The following MAGI1 variants were observed in gnomAD, a reference collection of about 807,000 sequenced individuals.
The protein encoded by MAGI1 is membrane-associated guanylate kinase, WW and PDZ domain-containing protein 1.
Under a neutral mutation model 139.9 loss-of-function variants are expected in MAGI1, and 58 were observed. The observed-to-expected ratio is 0.41, with a 90% confidence interval of 0.34 to 0.52. The LOEUF (loss-of-function observed/expected upper bound fraction) is 0.52, where lower values mean the gene tolerates loss of function less well. Ranked by LOEUF, MAGI1 falls within the 20% of genes least tolerant of loss-of-function variation. MAGI1 has a pLI of 0.12. For synonymous variants in MAGI1, 812 were observed against 737.9 expected, an observed-to-expected ratio of 1.10 and a Z score of -1.63; for missense variants, 1,874 against 1,901.6, an observed-to-expected ratio of 0.99 and a Z score of 0.27.
At chr3:65,675,807 T>A (rs1462504181) in intron 1 of MAGI1, among the ~76,000 whole-genome samples, 5 of 152,180 alleles carry the variant, frequency 3.3e-5, no homozygotes, top group African/African-American at 1.2e-4. Flanking sequence ...AACCACTTCA[T>A]ATGGGTTCAA....
At chr3:65,507,571 A>C (rs1269658421) in intron 2 of MAGI1, among the ~76,000 whole-genome samples, 1 of 152,182 alleles carries the variant, frequency 6.6e-6, no homozygotes, top group African/African-American at 2.4e-5. Flanking sequence ...TAGAAAACTA[A>C]ACTACAGCTT....
intron 3 of MAGI1, among the ~76,000 whole-genome samples, chr3:65,484,617 A>C (rs748154248): frequency 6.6e-6 from 1 of 152,000 alleles, no homozygotes; most frequent in Non-Finnish European, 1.5e-5. Flanking sequence ...CCCACTCTCC[A>C]AGCACTTGTC....
intron 1 of MAGI1, among the ~76,000 whole-genome samples, chr3:66,022,286 T>C (rs906848414): frequency 2.0e-5 from 3 of 152,228 alleles, no homozygotes; most frequent in East Asian, 3.8e-4. Flanking sequence ...AGGGCCTTTC[T>C]TCCCTATGGC....
At chr3:65,785,304 G>A (rs1345637156) in intron 1 of MAGI1, among the ~76,000 whole-genome samples, 3 of 152,146 alleles carry the variant, frequency 2.0e-5, no homozygotes, top group Non-Finnish European at 4.4e-5. Flanking sequence ...CTAACATACA[G>A]GGGTCCTATT....
At chr3:65,794,896 T>C (rs748670679) in intron 1 of MAGI1, among the ~76,000 whole-genome samples, 30 of 139,240 alleles carry the variant, frequency 2.2e-4, no homozygotes, top group Non-Finnish European at 3.9e-4. Flanking sequence ...GGGCAAAATA[T>C]ATAAACAGAC....
intron 1 of MAGI1, among the ~76,000 whole-genome samples, chr3:65,808,103 C>A (rs558955995): frequency 6.6e-6 from 1 of 151,848 alleles, no homozygotes; most frequent in Non-Finnish European, 1.5e-5. Flanking sequence ...CTCCAGCCTC[C>A]GCCTCCCGAG....
chr3:65,439,897 G>A lies in MAGI1; in HGVS notation c.1252C>T (p.Gln418Ter). Residue 418 changes from glutamine to a stop codon, truncating the protein, a stop_gained, in exon 9 of 23, where the codon CAG (glutamine) becomes TAG (stop). Transcript: ENST00000402939. LOFTEE classifies it high-confidence loss of function. ...GGCCAACCTTCTGTCTGCTGCTGCTGCTGCTGCTGCTGCTGCTGTTGCTGC... is the reference window on the plus strand; with the variant it reads ...GGCCAACCTTCTGTCTGCTGCTGCTACTGCTGCTGCTGCTGCTGTTGCTGC... ...QQQQQQQQQQ[Q>*]QQQTEEWTED... The A allele has an allele frequency of 6.2e-7, 1 of 1,606,476 alleles. No individual in the cohort carries two copies.
intron 12 of MAGI1, among the ~76,000 whole-genome samples, chr3:65,404,995 G>C (rs896020477): frequency 6.6e-6 from 1 of 152,240 alleles, no homozygotes; most frequent in African/African-American, 2.4e-5. Flanking sequence ...TGTCTTAATG[G>C]GCTTGTCTGG....
chr3:65,546,937 G>A (rs902508674), intron 2 of MAGI1, among the ~76,000 whole-genome samples: 3 of 152,130 alleles, frequency 2.0e-5, no homozygotes, highest in Admixed American at 6.5e-5. Context: ...GTGTATAGAC[G>A]TGTATATATG....
At chr3:65,387,521 T>C (rs985399130) in intron 14 of MAGI1, among the ~76,000 whole-genome samples, 1 of 152,180 alleles carries the variant, frequency 6.6e-6, no homozygotes, top group Non-Finnish European at 1.5e-5. Context: ...CATTCTTGAA[T>C]GGCCTTACTT....
chr3:65,804,017 G>A (rs879483795), intron 1 of MAGI1, among the ~76,000 whole-genome samples: 25 of 152,248 alleles, frequency 1.6e-4, no homozygotes, highest in Non-Finnish European at 2.6e-4. Flanking sequence ...CAAGAACCTA[G>A]CACAAACTGA....
At chr3:65,990,236 G>C (rs571930582) in intron 1 of MAGI1, among the ~76,000 whole-genome samples, 5 of 152,288 alleles carry the variant, frequency 3.3e-5, no homozygotes, top group Non-Finnish European at 7.4e-5. Context: ...CTCAAGTTCA[G>C]TATCTTGCTC....
intron 2 of MAGI1, among the ~76,000 whole-genome samples, chr3:65,519,663 C>A (rs993623108): frequency 3.9e-5 from 6 of 152,310 alleles, no homozygotes; most frequent in Middle Eastern, 6.8e-3. Context: ...GAATTACAGG[C>A]ATGAGCCACC....
At chr3:65,530,864 T>C (rs2078682336) in intron 2 of MAGI1, among the ~76,000 whole-genome samples, 2 of 142,054 alleles carry the variant, frequency 1.4e-5, no homozygotes, top group African/African-American at 5.3e-5. Context: ...CATATATATA[T>C]ATATGGAGAG....
At chr3:65,378,441 T>A (rs906951338) in intron 17 of MAGI1, among the ~76,000 whole-genome samples, 1 of 152,172 alleles carries the variant, frequency 6.6e-6, no homozygotes, top group Non-Finnish European at 1.5e-5. Context: ...AGAACACAGA[T>A]GAGGCAGACT....
At chr3:65,615,434 C>A (rs2083320763) in intron 2 of MAGI1, among the ~76,000 whole-genome samples, 1 of 152,126 alleles carries the variant, frequency 6.6e-6, no homozygotes, top group Admixed American at 6.5e-5. Flanking sequence ...TTCTCATAAA[C>A]TCACTAACAG....
chr3:65,418,399 G>T (rs1317651461), intron 12 of MAGI1, among the ~76,000 whole-genome samples: 1 of 152,062 alleles, frequency 6.6e-6, no homozygotes, highest in African/African-American at 2.4e-5. Context: ...TTACTACTAG[G>T]ACTATGAAAT....
intron 2 of MAGI1, among the ~76,000 whole-genome samples, chr3:65,603,792 T>C (rs994364610): frequency 1.3e-5 from 2 of 152,204 alleles, no homozygotes; most frequent in Non-Finnish European, 2.9e-5. Context: ...AAGTTTGTCT[T>C]TTGAGGGCCT....
At chr3:65,885,828 C>T (rs1267989479) in intron 1 of MAGI1, among the ~76,000 whole-genome samples, 2 of 152,070 alleles carry the variant, frequency 1.3e-5, no homozygotes, top group African/African-American at 2.4e-5. Context: ...GTACTAGCAG[C>T]GTGAGAACGA....
Sources: gnomAD v4.1 joint callset for allele counts (sites outside exome capture counted in the v4.1 genomes callset) on GRCh38, gnomAD v4.1.1 for gene constraint, MANE v1.5 for transcripts, NCBI Gene and HGNC (gene_info 2026-07-23, HGNC 2026-07-21) for gene names.